The following SAMD5 variants were observed in gnomAD, a reference collection of about 807,000 sequenced individuals.
SAMD5 encodes sterile alpha motif domain-containing protein 5.
In SAMD5, 13 loss-of-function variants were observed where a neutral mutation model predicts 11.3. The observed-to-expected ratio is 1.15, with a 90% CI of 0.75 to 1.83. The LOEUF (loss-of-function observed/expected upper bound fraction) is 1.83, where lower values mean the gene tolerates loss of function less well. Ranked by LOEUF, SAMD5 falls within the 40% of genes most tolerant of loss-of-function variation. The pLI, the probability that SAMD5 is intolerant of heterozygous loss-of-function variation, is 0.00. For missense variants in SAMD5, 255 were observed against 239.1 expected (o/e 1.07, Z -0.44); for synonymous variants, 129 against 111.3 (o/e 1.16, Z -1.00).
intron 1 of SAMD5, among the ~76,000 whole-genome samples, chr6:147,731,971 G>A (rs1791722017): frequency 6.6e-6 from 1 of 152,148 alleles, no homozygotes. Context: ...AGGTTTGGAA[G>A]TAGAAAACAA....
chr6:147,781,060 G>GT, the SAMD5 span, among the ~76,000 whole-genome samples: 2 of 151,516 alleles, frequency 1.3e-5, no homozygotes, highest in Non-Finnish European at 2.9e-5. Context: ...TGTTTTCTTA[G>GT]TTTTTTTGTT....
At chr6:147,683,769 A>G (rs989616983) in intron 1 of SAMD5, among the ~76,000 whole-genome samples, 1 of 152,196 alleles carries the variant, frequency 6.6e-6, no homozygotes, top group Non-Finnish European at 1.5e-5. Flanking sequence ...TACAAATGAC[A>G]ACAGTAGAAA....
intron 1 of SAMD5, among the ~76,000 whole-genome samples, chr6:147,527,724 T>A (rs541654300): frequency 9.8e-5 from 15 of 152,316 alleles, no homozygotes; most frequent in African/African-American, 3.6e-4. Flanking sequence ...CTTTCACCTG[T>A]GAGCCTGTAA....
the SAMD5 span, among the ~76,000 whole-genome samples, chr6:147,845,850 A>C: frequency 1.3e-5 from 2 of 152,240 alleles, no homozygotes; most frequent in Non-Finnish European, 2.9e-5. Flanking sequence ...TGCACTTACT[A>C]TACTTAGCAA....
chr6:147,754,086 A>G, the SAMD5 span, among the ~76,000 whole-genome samples: 3 of 152,172 alleles, frequency 2.0e-5, no homozygotes, highest in Non-Finnish European at 4.4e-5. Context: ...TTACTGGGTC[A>G]TATGGTAGCT....
intron 1 of SAMD5, among the ~76,000 whole-genome samples, chr6:147,684,246 G>T (rs929931796): frequency 6.6e-6 from 1 of 152,100 alleles, no homozygotes; most frequent in Non-Finnish European, 1.5e-5. Flanking sequence ...GTGCTTGTAA[G>T]ATTCCTCCAT....
intron 1 of SAMD5, among the ~76,000 whole-genome samples, chr6:147,583,427 G>A (rs981399792): frequency 6.6e-6 from 1 of 152,160 alleles, no homozygotes. Flanking sequence ...AACGTATTAA[G>A]GATCCATCAC....
At chr6:147,558,897 C>T (rs987821698) in intron 1 of SAMD5, among the ~76,000 whole-genome samples, 16 of 152,142 alleles carry the variant, frequency 1.1e-4, no homozygotes, top group Non-Finnish European at 1.8e-4. Context: ...CCTTCCACTC[C>T]GCCTGAAAAT....
rs554767250 is a variant in SAMD5 at position 147,624,264 on chromosome 6, G to A, written c.163-113053G>A. Among the ~76,000 whole-genome samples, 5 of 152,180 alleles carry A rather than the reference G, an allele frequency of 3.3e-5. No homozygotes were observed. The East Asian group carries it at 5.8e-4, about 18-fold the overall frequency. On this transcript the variant is annotated intron_variant, in intron 1 of 1. Transcript: ENST00000566741. ...AACAGTGGAGTGTGCTCAGAAGGCC[G>A]AGCCCAGCTGAGGGTCCTGATTAGG...
At chr6:147,744,899 C>CAATAAATAAATA in the SAMD5 span, among the ~76,000 whole-genome samples, 6,249 of 137,278 alleles carry the variant, frequency 0.046, 184 homozygotes, top group Non-Finnish European at 0.055. Flanking sequence ...CTCTGTCTCA[C>CAATAAATAAATA]AATAAATAAA....
chr6:147,918,851 C>T, the SAMD5 span, among the ~76,000 whole-genome samples: 12 of 152,022 alleles, frequency 7.9e-5, no homozygotes, highest in East Asian at 3.9e-4. Context: ...ACTACAGGCA[C>T]GTGCCACCAC....
intron 1 of SAMD5, among the ~76,000 whole-genome samples, chr6:147,606,298 A>G (rs1033103154): frequency 9.9e-5 from 15 of 152,082 alleles, no homozygotes; most frequent in African/African-American, 3.4e-4. Context: ...CTGTAAAGTG[A>G]TCTTTTGTTG....
the SAMD5 span, among the ~76,000 whole-genome samples, chr6:147,830,251 C>CTTTTTTTTTTTTTTTTT: frequency 4.8e-4 from 41 of 84,928 alleles, no homozygotes; most frequent in South Asian, 9.6e-4. Flanking sequence ...TTCTTTCTTT[C>CTTTTTTTTTTTTTTTTT]TTTTTTTTTT....
intron 1 of SAMD5, among the ~76,000 whole-genome samples, chr6:147,661,312 G>A (rs1422490064): frequency 1.3e-5 from 2 of 152,206 alleles, no homozygotes; most frequent in African/African-American, 2.4e-5. Context: ...TCACATGGAA[G>A]TAAATGCGTA....
At chr6:147,602,986 G>GA (rs1789646223) in intron 1 of SAMD5, among the ~76,000 whole-genome samples, 1 of 152,170 alleles carries the variant, frequency 6.6e-6, no homozygotes, top group African/African-American at 2.4e-5. Context: ...AGAATCAACT[G>GA]AAATGGAAGG....
At chr6:147,554,420 G>T (rs1457172716) in intron 1 of SAMD5, among the ~76,000 whole-genome samples, 1 of 152,204 alleles carries the variant, frequency 6.6e-6, no homozygotes, top group Non-Finnish European at 1.5e-5. Flanking sequence ...ATCAAGTGAG[G>T]TCGTGGCCAG....
intron 1 of SAMD5, among the ~76,000 whole-genome samples, chr6:147,704,865 A>T: frequency 6.6e-6 from 1 of 152,222 alleles, no homozygotes; most frequent in Non-Finnish European, 1.5e-5. Flanking sequence ...CATCTCCCCG[A>T]ATCATGTTAC....
At chr6:147,656,899 CGTGTGTGTGTGT>C (rs55906300) in intron 1 of SAMD5, among the ~76,000 whole-genome samples, 2 of 149,062 alleles carry the variant, frequency 1.3e-5, no homozygotes, top group African/African-American at 2.5e-5. Context: ...ATACAGTATA[CGTGTGTGTGTGT>C]GTGTGTGTGT....
chr6:147,795,874 G>C, the SAMD5 span, among the ~76,000 whole-genome samples: 1 of 152,162 alleles, frequency 6.6e-6, no homozygotes, highest in Non-Finnish European at 1.5e-5. Context: ...CTTTTGAGAA[G>C]TGTCTGTTCA....
Sources: allele counts gnomAD v4.1 joint callset (sites outside exome capture counted in the v4.1 genomes callset), GRCh38; gene constraint gnomAD v4.1.1; transcripts MANE v1.5; gene names NCBI Gene and HGNC (gene_info 2026-07-23, HGNC 2026-07-21).